FGF14: variants seen among roughly 807,000 people sequenced by gnomAD.
The protein encoded by FGF14 is fibroblast growth factor homologous factor 4.
FGF14 carries 5 observed loss-of-function variants against 25.5 expected under a neutral mutation model. The ratio of observed to expected loss-of-function variants is 0.20; its 90% CI spans 0.10 to 0.41. The LOEUF (loss-of-function observed/expected upper bound fraction) is 0.41. Among genes scored for constraint, FGF14 ranks in the 10% least tolerant of loss-of-function variants. The pLI is 1.00. For synonymous variants in FGF14, 138 were observed against 118.3 expected, an observed-to-expected ratio of 1.17 and a Z score of -1.08; for missense variants, 222 against 320.1, an observed-to-expected ratio of 0.69 and a Z score of 2.34.
intron 1 of FGF14, among the ~76,000 whole-genome samples, chr13:102,227,538 G>C (rs1017974611): frequency 6.6e-6 from 1 of 152,012 alleles, no homozygotes; most frequent in African/African-American, 2.4e-5. Flanking sequence ...CCTGTAGTAG[G>C]TATTCATGTT....
chr13:102,313,143 A>T (rs1039318308), intron 1 of FGF14, among the ~76,000 whole-genome samples: 1 of 152,212 alleles, frequency 6.6e-6, no homozygotes, highest in African/African-American at 2.4e-5. Flanking sequence ...GCCCCTCTGC[A>T]AGGTTCACAT....
chr13:102,294,436 C>G (rs1280982680), intron 1 of FGF14, among the ~76,000 whole-genome samples: 1 of 151,278 alleles, frequency 6.6e-6, no homozygotes, highest in Non-Finnish European at 1.5e-5. Flanking sequence ...ACAAACACAT[C>G]CTGAATGATT....
chr13:102,081,817 C>T (rs1465652188), intron 1 of FGF14, among the ~76,000 whole-genome samples: 4 of 151,984 alleles, frequency 2.6e-5, no homozygotes, highest in African/African-American at 9.7e-5. Context: ...ATGCAGACGT[C>T]TATATTAATT....
At chr13:101,881,314 A>G (rs1386519881) in intron 1 of FGF14, among the ~76,000 whole-genome samples, 6 of 152,226 alleles carry the variant, frequency 3.9e-5, no homozygotes, top group African/African-American at 4.8e-5. Context: ...AAGTTCTAAC[A>G]TATTAGAAAC....
chr13:102,277,708 A>G (rs2053616714), intron 1 of FGF14, among the ~76,000 whole-genome samples: 1 of 152,226 alleles, frequency 6.6e-6, no homozygotes, highest in Admixed American at 6.5e-5. Context: ...AAGAAAGCCA[A>G]CTACTGAACT....
chr13:101,962,459 G>A (rs1369339748), intron 1 of FGF14, among the ~76,000 whole-genome samples: 2 of 151,942 alleles, frequency 1.3e-5, no homozygotes, highest in African/African-American at 4.8e-5. Context: ...TATAATATTA[G>A]GAAATGTAAA....
At chr13:102,164,485 T>C (rs1255630468) in intron 1 of FGF14, among the ~76,000 whole-genome samples, 1 of 152,090 alleles carries the variant, frequency 6.6e-6, no homozygotes, top group Non-Finnish European at 1.5e-5. Context: ...TTCTTCTGCC[T>C]GAATGGGATG....
intron 1 of FGF14, among the ~76,000 whole-genome samples, chr13:102,025,903 T>C (rs148918724): frequency 5.9e-5 from 9 of 152,212 alleles, no homozygotes; most frequent in African/African-American, 1.9e-4. Context: ...TGTTTGTGTG[T>C]GTGTGTGAAT....
chr13:101,997,662 C>T (rs1479020086), intron 1 of FGF14, among the ~76,000 whole-genome samples: 1 of 152,110 alleles, frequency 6.6e-6, no homozygotes, highest in African/African-American at 2.4e-5. Flanking sequence ...GTCCGGGGAG[C>T]ACACTGAAAA....
chr13:102,220,919 C>T (rs1043212524), intron 1 of FGF14, among the ~76,000 whole-genome samples: 1 of 152,204 alleles, frequency 6.6e-6, no homozygotes, highest in African/African-American at 2.4e-5. Flanking sequence ...ATCTCCTTGA[C>T]ATTCCTCTTC....
At chr13:102,122,369 G>A (rs1320698852) in intron 1 of FGF14, among the ~76,000 whole-genome samples, 2 of 152,112 alleles carry the variant, frequency 1.3e-5, no homozygotes, top group Non-Finnish European at 2.9e-5. Flanking sequence ...CTCCACCTCT[G>A]ACTTTCAGCA....
chr13:102,093,175 A>G lies in FGF14; in HGVS notation c.209-217879T>C, dbSNP rs571707335. Among the ~76,000 whole-genome samples, 130 of 150,914 alleles carry G rather than the reference A, an allele frequency of 8.6e-4. 1 individual carries two copies. The highest frequency in any genetic ancestry group is 1.5e-3 in the Non-Finnish European group (99 of 67,640). ...ATTTGCAAAAACATGCAGAGAAACCATGTGGCTTAGAAATATATTAAAAAA... is the reference window on the plus strand; with the variant it reads ...ATTTGCAAAAACATGCAGAGAAACCGTGTGGCTTAGAAATATATTAAAAAA... On this transcript the variant is annotated intron_variant, in intron 1 of 4. Coordinates refer to the FGF14 transcript ENST00000376131.
At chr13:102,216,929 G>C (rs1458507554) in intron 1 of FGF14, among the ~76,000 whole-genome samples, 1 of 152,156 alleles carries the variant, frequency 6.6e-6, no homozygotes, top group African/African-American at 2.4e-5. Context: ...AAACCTGGCT[G>C]ATTTCACTTA....
chr13:102,091,521 A>G (rs2044164228), intron 1 of FGF14, among the ~76,000 whole-genome samples: 3 of 152,152 alleles, frequency 2.0e-5, no homozygotes, highest in South Asian at 4.1e-4. Flanking sequence ...AATTTTGTTC[A>G]ACACTTGGAG....
At chr13:102,207,968 G>C (rs2050006687) in intron 1 of FGF14, among the ~76,000 whole-genome samples, 1 of 152,110 alleles carries the variant, frequency 6.6e-6, no homozygotes, top group South Asian at 2.1e-4. Context: ...TTGTGCCTTT[G>C]ATTTACAGAG....
At chr13:102,155,320 A>G (rs2140526672) in intron 1 of FGF14, among the ~76,000 whole-genome samples, 1 of 152,372 alleles carries the variant, frequency 6.6e-6, no homozygotes, top group East Asian at 1.9e-4. Flanking sequence ...TGTCTCTCAG[A>G]CCACAGTGCA....
At chr13:101,869,300 A>G (rs991832241) in intron 2 of FGF14, among the ~76,000 whole-genome samples, 1 of 152,210 alleles carries the variant, frequency 6.6e-6, no homozygotes, top group Non-Finnish European at 1.5e-5. Flanking sequence ...TGGTAGAACC[A>G]ATATGATACG....
At chr13:101,983,752 T>C (rs1327135740) in intron 1 of FGF14, among the ~76,000 whole-genome samples, 1 of 152,166 alleles carries the variant, frequency 6.6e-6, no homozygotes, top group African/African-American at 2.4e-5. Flanking sequence ...CCCAGGGCCG[T>C]GCTGAGGCAT....
intron 3 of FGF14, among the ~76,000 whole-genome samples, chr13:101,788,929 GAGAGAGAGAGAGAGAGAGAC>G (rs1474808975): frequency 0.011 from 531 of 46,614 alleles, 2 homozygotes; most frequent in Middle Eastern, 0.022. Context: ...GAGAGAGAGA[GAGAGAGAGAGAGAGAGAGAC>G]AGAGAGAGAG....
Sources: gnomAD v4.1 joint callset for allele counts (sites outside exome capture counted in the v4.1 genomes callset) on GRCh38, gnomAD v4.1.1 for gene constraint, MANE v1.5 for transcripts, NCBI Gene and HGNC (gene_info 2026-07-23, HGNC 2026-07-21) for gene names.